The following GAS2 variants were observed in gnomAD, a reference collection of about 807,000 sequenced individuals.
The protein encoded by GAS2 is growth arrest specific 2, also known as growth arrest-specific protein 2.
GAS2 carries 20 observed loss-of-function variants against 37.5 expected under a neutral mutation model. That is an observed-to-expected ratio of 0.53 (90% CI 0.37 to 0.77). The LOEUF (loss-of-function observed/expected upper bound fraction) is 0.77, where lower values mean the gene tolerates loss of function less well. Among genes scored for constraint, GAS2 ranks in the 30% least tolerant of loss-of-function variants. GAS2 has a pLI of 0.00. For synonymous variants in GAS2, 144 were observed against 132.2 expected, an observed-to-expected ratio of 1.09 and a Z score of -0.61; for missense variants, 336 against 373.4, an observed-to-expected ratio of 0.90 and a Z score of 0.82.
At chr11:22,628,055 C>A (rs1181481455) in intron 1 of GAS2, among the ~76,000 whole-genome samples, 1 of 152,144 alleles carries the variant, frequency 6.6e-6, no homozygotes, top group East Asian at 1.9e-4. Flanking sequence ...ATTTTAAATT[C>A]TTCCTTGAGC....
intron 1 of GAS2, among the ~76,000 whole-genome samples, chr11:22,659,865 GA>G (rs1848896388): frequency 7.3e-6 from 1 of 136,636 alleles, no homozygotes; most frequent in Non-Finnish European, 1.6e-5. Flanking sequence ...AGAGAGAAAG[GA>G]AAAAATGGAG....
At position 22,668,587 on chromosome 11, in the gene GAS2, A is replaced by C. The variant is rs558348477; in HGVS notation, c.-21+1688A>C. Among the ~76,000 whole-genome samples the C allele has an allele frequency of 3.6e-3, 545 of 152,326 alleles. 5 individuals are homozygous for C. Among genetic ancestry groups the C allele is most frequent in the Middle Eastern group, 0.01 (3 of 294 alleles). Reference sequence around the variant, plus strand: ...TTCACCAGGTGCAAAAGGTCATGTGATTGCCCTGGAATTTTTTAGCATCTT... The same window carrying C: ...TTCACCAGGTGCAAAAGGTCATGTGCTTGCCCTGGAATTTTTTAGCATCTT... On this transcript the variant is annotated intron_variant, in intron 1 of 7. Transcript: ENST00000454584.
At chr11:22,711,559 G>T (rs774378389) in intron 3 of GAS2, among the ~76,000 whole-genome samples, 4 of 152,250 alleles carry the variant, frequency 2.6e-5, no homozygotes, top group Non-Finnish European at 4.4e-5. Context: ...GGCAGGCCCA[G>T]GCCTGAGAGC....
chr11:22,808,200 A>G (rs1856986949), intron 7 of GAS2, among the ~76,000 whole-genome samples: 1 of 152,220 alleles, frequency 6.6e-6, no homozygotes, highest in African/African-American at 2.4e-5. Context: ...TCCTCCAACT[A>G]TAGCTCTTAT....
At chr11:22,811,083 T>G (rs1284403720) in intron 7 of GAS2, among the ~76,000 whole-genome samples, 1 of 152,144 alleles carries the variant, frequency 6.6e-6, no homozygotes, top group Non-Finnish European at 1.5e-5. Flanking sequence ...ACCTCCATGA[T>G]ATATTTTACT....
At chr11:22,677,571 C>T (rs1183952572) in intron 2 of GAS2, among the ~76,000 whole-genome samples, 3 of 152,164 alleles carry the variant, frequency 2.0e-5, no homozygotes, top group Non-Finnish European at 4.4e-5. Flanking sequence ...TATGACTTGT[C>T]ATCAAGGGCA....
At chr11:22,677,829 G>C (rs570718912) in intron 2 of GAS2, among the ~76,000 whole-genome samples, 3 of 152,110 alleles carry the variant, frequency 2.0e-5, no homozygotes, top group Admixed American at 6.6e-5. Context: ...ATAAAATGAA[G>C]GGGTTGAAGT....
intron 1 of GAS2, among the ~76,000 whole-genome samples, chr11:22,633,269 A>T (rs751272900): frequency 5.8e-4 from 88 of 152,056 alleles, no homozygotes; most frequent in Non-Finnish European, 5.6e-4. Flanking sequence ...ATATGACTGT[A>T]ATGTTTATAG....
intron 2 of GAS2, among the ~76,000 whole-genome samples, chr11:22,680,738 T>A (rs1030153055): frequency 6.6e-6 from 1 of 152,140 alleles, no homozygotes; most frequent in Non-Finnish European, 1.5e-5. Context: ...GTTTCTGTAG[T>A]GTTTCTACAT....
intron 1 of GAS2, among the ~76,000 whole-genome samples, chr11:22,645,589 T>C (rs757243765): frequency 3.9e-5 from 6 of 152,008 alleles, no homozygotes; most frequent in Non-Finnish European, 8.8e-5. Context: ...GTGGGAAATA[T>C]TGAGAAAATT....
intron 1 of GAS2, among the ~76,000 whole-genome samples, chr11:22,653,257 G>T (rs918610694): frequency 4.6e-5 from 7 of 151,714 alleles, no homozygotes; most frequent in African/African-American, 1.7e-4. Context: ...TAAGTACTCA[G>T]AAAAAAAGAG....
At chr11:22,637,349 A>T (rs1421579468) in intron 1 of GAS2, among the ~76,000 whole-genome samples, 1 of 98,532 alleles carries the variant, frequency 1.0e-5, no homozygotes, top group Non-Finnish European at 1.8e-5. Context: ...TAGTATACTA[A>T]TATAATATTA....
chr11:22,647,117 C>T (rs1219945287), intron 1 of GAS2, among the ~76,000 whole-genome samples: 4 of 143,810 alleles, frequency 2.8e-5, no homozygotes, highest in Non-Finnish European at 4.5e-5. Context: ...GTTCCCCTTC[C>T]TGTGTCCATG....
intron 1 of GAS2, among the ~76,000 whole-genome samples, chr11:22,627,255 A>G (rs1174313727): frequency 6.6e-6 from 1 of 152,226 alleles, no homozygotes; most frequent in East Asian, 1.9e-4. Flanking sequence ...AGGCATCACT[A>G]ATTCATTTAT....
At chr11:22,742,026 C>CA (rs1470370945) in intron 5 of GAS2, among the ~76,000 whole-genome samples, 3 of 151,906 alleles carry the variant, frequency 2.0e-5, no homozygotes, top group African/African-American at 7.3e-5. Flanking sequence ...ACCTAGAGCT[C>CA]AAAAACTGTG....
chr11:22,797,553 C>A (rs78588238), intron 7 of GAS2, among the ~76,000 whole-genome samples: 2,248 of 152,098 alleles, frequency 0.015, 62 homozygotes, highest in African/African-American at 0.051. Flanking sequence ...TCACTGGAGA[C>A]AATGTCTCAC....
At chr11:22,811,712 A>G in intron 7 of GAS2, 86 bp from the exon 8 acceptor site, 1 of 1,293,008 alleles carries the variant, frequency 7.7e-7, no homozygotes, top group Non-Finnish European at 1.1e-6. Context: ...ACAAACCAAA[A>G]CACTAATTTC....
At chr11:22,744,005 A>T (rs767040483) in intron 5 of GAS2, among the ~76,000 whole-genome samples, 3 of 152,166 alleles carry the variant, frequency 2.0e-5, no homozygotes, top group African/African-American at 7.2e-5. Flanking sequence ...AGAGACTATT[A>T]TGAACACCCT....
chr11:22,730,997 T>C (rs1441762669), intron 4 of GAS2, among the ~76,000 whole-genome samples: 1 of 151,854 alleles, frequency 6.6e-6, no homozygotes, highest in Non-Finnish European at 1.5e-5. Flanking sequence ...ATCTATACTT[T>C]GTTTTCAAGC....
Sources: allele counts gnomAD v4.1 joint callset (sites outside exome capture counted in the v4.1 genomes callset), GRCh38; gene constraint gnomAD v4.1.1; transcripts MANE v1.5; gene names NCBI Gene and HGNC (gene_info 2026-07-23, HGNC 2026-07-21).